The following GOLGB1 variants were observed in gnomAD, a reference collection of about 807,000 sequenced individuals.
GOLGB1 encodes the protein golgin subfamily B member 1.
A neutral mutation model predicts 336.9 loss-of-function variants in GOLGB1; 174 were observed. The observed-to-expected ratio is 0.52, with a 90% CI of 0.46 to 0.59. GOLGB1 has a LOEUF of 0.59. Ranked by LOEUF, GOLGB1 falls within the 20% of genes least tolerant of loss-of-function variation. GOLGB1 has a pLI of 0.00. For synonymous variants in GOLGB1, 1,208 were observed against 1,289.2 expected, an observed-to-expected ratio of 0.94 and a Z score of 1.35; for missense variants, 3,331 against 3,645.3, an observed-to-expected ratio of 0.91 and a Z score of 2.22.
intron 11 of GOLGB1, among the ~76,000 whole-genome samples, chr3:121,701,863 C>A (rs370248535): frequency 6.6e-6 from 1 of 152,026 alleles, no homozygotes; most frequent in African/African-American, 2.4e-5. Flanking sequence ...ATAAACAGAT[C>A]ATTTTAATAC....
At chr3:121,669,386 T>C (rs748761853) in intron 17 of GOLGB1, 31 bp from the exon 18 acceptor site, 2 of 1,593,556 alleles carry the variant, frequency 1.3e-6, no homozygotes, top group East Asian at 4.5e-5. Flanking sequence ...AGCATCATCC[T>C]GCAGTACTGT....
intron 14 of GOLGB1, among the ~76,000 whole-genome samples, chr3:121,683,491 G>C (rs1941340591): frequency 1.3e-5 from 2 of 152,028 alleles, no homozygotes; most frequent in Non-Finnish European, 2.9e-5. Context: ...AAAAACTAAA[G>C]ATACTGAGAT....
intron 15 of GOLGB1, among the ~76,000 whole-genome samples, chr3:121,679,746 A>G (rs145991549): frequency 4.7e-4 from 71 of 152,090 alleles, no homozygotes; most frequent in Middle Eastern, 3.4e-3. Context: ...TGGAGCTTGG[A>G]CTCTTACAAT....
chr3:121,745,445 T>G (rs1280782511), intron 1 of GOLGB1, among the ~76,000 whole-genome samples: 1 of 113,696 alleles, frequency 8.8e-6, no homozygotes, highest in African/African-American at 3.5e-5. Context: ...TATATACATA[T>G]GTACACGTGT....
chr3:121,734,392 G>GAAAAAAAAAAAAAA (rs34906801), intron 1 of GOLGB1, among the ~76,000 whole-genome samples: 1 of 107,226 alleles, frequency 9.3e-6, no homozygotes. Flanking sequence ...TCTGTCTCGG[G>GAAAAAAAAAAAAAA]AAAAAAAAAA....
intron 2 of GOLGB1, among the ~76,000 whole-genome samples, chr3:121,730,381 C>CCCTTACTGGTT (rs1945999585): frequency 6.6e-6 from 1 of 151,880 alleles, no homozygotes. Flanking sequence ...TTTCAGAAAA[C>CCCTTACTGGTT]TAAGAAGTTT....
At chr3:121,692,761 C>A (rs138064674) in intron 13 of GOLGB1, among the ~76,000 whole-genome samples, 180 bp from the exon 14 acceptor site, 234 of 152,244 alleles carry the variant, frequency 1.5e-3, no homozygotes, top group African/African-American at 5.1e-3. Context: ...CTACTGAGTG[C>A]TATGTATTAA....
intron 10 of GOLGB1, among the ~76,000 whole-genome samples, chr3:121,704,187 C>T (rs1402276768): frequency 3.3e-5 from 5 of 151,216 alleles, no homozygotes; most frequent in African/African-American, 7.3e-5. Flanking sequence ...GTTCAATATA[C>T]GTGTAATTGG....
At chr3:121,675,082 C>T (rs1940172316) in intron 17 of GOLGB1, among the ~76,000 whole-genome samples, 1 of 151,034 alleles carries the variant, frequency 6.6e-6, no homozygotes, top group African/African-American at 2.4e-5. Flanking sequence ...ATGATCCACC[C>T]GCCTCGGCCT....
chr3:121,708,451 C>T (rs1410656093), intron 10 of GOLGB1, among the ~76,000 whole-genome samples: 1 of 151,714 alleles, frequency 6.6e-6, no homozygotes, highest in Non-Finnish European at 1.5e-5. Flanking sequence ...GCCTGGGCAA[C>T]ATAGTGAGAC....
chr3:121,723,260 T>A (rs1011611349), intron 5 of GOLGB1, among the ~76,000 whole-genome samples: 2 of 152,264 alleles, frequency 1.3e-5, no homozygotes, highest in African/African-American at 2.4e-5. Context: ...ATGACTATAT[T>A]TCATCTTATC....
At position 121,698,091 on chromosome 3, in the gene GOLGB1, T is replaced by C. The variant is rs781744998; in HGVS notation, c.2432A>G (p.Lys811Arg). 4 of 1,614,080 alleles carry C rather than the reference T, an allele frequency of 2.5e-6. No homozygotes were observed. In the Admixed American group the frequency reaches 6.7e-5, roughly 27 times the overall value. ...EQIHSLSIEA[K>R]SKDVKIEVLQ... ...AACTTCAATTTTCACATCTTTAGATTTGGCTTCTATGCTGAGACTATGGAT... is the reference window on the plus strand; with the variant it reads ...AACTTCAATTTTCACATCTTTAGATCTGGCTTCTATGCTGAGACTATGGAT... The change falls in exon 13 of 22, where the codon AAA becomes AGA. Residue 811 changes from lysine (K) to arginine (R), a missense_variant. By Grantham distance (26) the Lys-to-Arg change is conservative. Transcript: ENST00000614479.
chr3:121,677,591 T>G (rs1448206423), intron 15 of GOLGB1, 141 bp from the exon 16 acceptor site: 1 of 619,380 alleles, frequency 1.6e-6, no homozygotes, highest in Non-Finnish European at 2.8e-6. Context: ...AAGAAAAAGG[T>G]GGAAAGAGAG....
At chr3:121,674,943 C>G (rs1474370686) in intron 17 of GOLGB1, among the ~76,000 whole-genome samples, 1 of 149,164 alleles carries the variant, frequency 6.7e-6, no homozygotes, top group East Asian at 2.0e-4. Context: ...TCACGCTATT[C>G]TCCTGCCTCA....
At chr3:121,733,793 T>C (rs1163037523) in intron 1 of GOLGB1, among the ~76,000 whole-genome samples, 2 of 152,134 alleles carry the variant, frequency 1.3e-5, no homozygotes, top group Admixed American at 1.3e-4. Flanking sequence ...ACAAATGCAA[T>C]TAAGTTGAGA....
chr3:121,724,915 GGCTCATGTCACA>G (rs1479395554), intron 5 of GOLGB1, among the ~76,000 whole-genome samples: 1 of 152,184 alleles, frequency 6.6e-6, no homozygotes, highest in East Asian at 1.9e-4. Context: ...CCGCAGGTAT[GGCTCATGTCACA>G]GCTCAAAAGG....
chr3:121,729,169 C>T lies in GOLGB1; in HGVS notation c.402+19G>A, dbSNP rs1378389613. 6.9e-6 allele frequency: 11 copies of T among 1,582,890 alleles called. No individual in the cohort carries two copies. Among genetic ancestry groups the T allele is most frequent in the Non-Finnish European group, 9.4e-6 (11 of 1,164,128 alleles). ...GTTTTTTCAACTTAGGAAATATACA[C>T]TACACCCAGTCACCATACCTTGGAA... On this transcript the variant is annotated intron_variant, in intron 4 of 21. Coordinates refer to ENST00000614479, the MANE Select transcript of GOLGB1 (RefSeq NM_001366282.2).
chr3:121,697,636 C>T lies in GOLGB1; in HGVS notation c.2887G>A (p.Gly963Ser). 1 of 1,612,452 alleles carries T rather than the reference C, an allele frequency of 6.2e-7. No homozygotes were observed. ...QVEEDNEVSS[G>S]LKQNYDEMSP... ...ATCTCATCATAATTTTGTTTAAGGC[C>T]AGAAGAAACTTCATTATCTTCTTCC... Residue 963 changes from glycine to serine, a missense_variant, in exon 13 of 22, where the codon GGC becomes AGC. By Grantham distance (56) the Gly-to-Ser change is moderately conservative. Coordinates refer to ENST00000614479, the MANE Select transcript of GOLGB1 (RefSeq NM_001366282.2).
At chr3:121,682,731 G>A (rs1409365986) in intron 14 of GOLGB1, among the ~76,000 whole-genome samples, 2 of 152,100 alleles carry the variant, frequency 1.3e-5, no homozygotes, top group Non-Finnish European at 2.9e-5. Context: ...CATCGCTAAA[G>A]CTAAAATAAT....
Sources: gnomAD v4.1 joint callset for allele counts (sites outside exome capture counted in the v4.1 genomes callset) on GRCh38, gnomAD v4.1.1 for gene constraint, MANE v1.5 for transcripts, NCBI Gene and HGNC (gene_info 2026-07-23, HGNC 2026-07-21) for gene names.